Variants in THBS4 observed in about 807,000 individuals in gnomAD.
The protein encoded by THBS4 is thrombospondin 4, also known as thrombospondin-4.
In THBS4, 90 loss-of-function variants were observed where a neutral mutation model predicts 115.7. The observed-to-expected ratio is 0.78, with a 90% CI of 0.66 to 0.93. The LOEUF (loss-of-function observed/expected upper bound fraction) is 0.93. Ranked by LOEUF, THBS4 falls within the 40% of genes least tolerant of loss-of-function variation. THBS4 has a pLI of 0.00. For synonymous variants in THBS4, 460 were observed against 479.3 expected, an observed-to-expected ratio of 0.96 and a Z score of 0.53; for missense variants, 1,087 against 1,232.7, an observed-to-expected ratio of 0.88 and a Z score of 1.77.
chr5:80,050,147 T>C (rs952406003), intron 2 of THBS4, among the ~76,000 whole-genome samples: 2 of 152,238 alleles, frequency 1.3e-5, no homozygotes, highest in African/African-American at 4.8e-5. Flanking sequence ...AACAGAGTTG[T>C]ACCTGGAACC....
At chr5:80,072,500 C>T (rs1834104281) in intron 14 of THBS4, 104 bp downstream of exon 14, 2 of 1,010,278 alleles carry the variant, frequency 2.0e-6, no homozygotes, top group East Asian at 2.4e-5. Context: ...TTAGCTGTTG[C>T]CACTTACCTA....
chr5:80,073,663 C>A (rs906173819), intron 15 of THBS4, among the ~76,000 whole-genome samples: 4 of 151,824 alleles, frequency 2.6e-5, no homozygotes, highest in Non-Finnish European at 5.9e-5. Context: ...GGATTACAGG[C>A]GTGAGCCACT....
intron 2 of THBS4, among the ~76,000 whole-genome samples, chr5:80,049,315 G>T (rs1313156136): frequency 6.6e-6 from 1 of 152,150 alleles, no homozygotes; most frequent in East Asian, 1.9e-4. Flanking sequence ...CCTGTGTCCG[G>T]CTGGTCCCAA....
At chr5:80,013,046 C>T (rs1832159280) in intron 2 of THBS4, among the ~76,000 whole-genome samples, 1 of 152,220 alleles carries the variant, frequency 6.6e-6, no homozygotes, top group Admixed American at 6.5e-5. Context: ...TGCATATCGG[C>T]AAGGCCAAGG....
chr5:80,061,078 G>A (rs1334192421), intron 7 of THBS4, among the ~76,000 whole-genome samples: 1 of 152,112 alleles, frequency 6.6e-6, no homozygotes, highest in Non-Finnish European at 1.5e-5. Context: ...AACTGCATCT[G>A]GTTTTTATCT....
intron 2 of THBS4, among the ~76,000 whole-genome samples, chr5:80,054,502 C>T (rs1244061868): frequency 1.3e-5 from 2 of 151,584 alleles, no homozygotes; most frequent in Non-Finnish European, 2.9e-5. Flanking sequence ...TGTATTTTTA[C>T]TAGAGACGGG....
Position 80,079,900 on chromosome 5 carries a change from T to G in THBS4, c.2512-5T>G. 1 of 1,613,884 alleles carries G rather than the reference T, an allele frequency of 6.2e-7. No individual in the cohort carries two copies. Among genetic ancestry groups the G allele is most frequent in the Middle Eastern group, 1.7e-4 (1 of 6,060 alleles). Reference sequence around the variant, plus strand: ...TCCTAAAACCTTGCTTGTGTCATCATGCAGGCTGTGAAGTCTAAGACAGGT... The same window carrying G: ...TCCTAAAACCTTGCTTGTGTCATCAGGCAGGCTGTGAAGTCTAAGACAGGT... On this transcript the variant is annotated splice_region_variant and splice_polypyrimidine_tract_variant and intron_variant, in intron 19 of 21. Transcript: ENST00000350881.
chr5:80,021,259 T>A (rs1580917388), intron 2 of THBS4, among the ~76,000 whole-genome samples: 2 of 152,304 alleles, frequency 1.3e-5, no homozygotes, highest in South Asian at 4.1e-4. Flanking sequence ...TTTCTTCATA[T>A]ACTTTAACCA....
intron 10 of THBS4, among the ~76,000 whole-genome samples, chr5:80,069,262 A>G (rs1465853): frequency 0.027 from 4,073 of 152,348 alleles, 99 homozygotes; most frequent in East Asian, 0.11. Flanking sequence ...CTTTTCAAAT[A>G]GGAAAAATAA....
intron 1 of THBS4, among the ~76,000 whole-genome samples, chr5:80,037,037 G>A (rs532704209): frequency 3.9e-5 from 6 of 152,224 alleles, no homozygotes; most frequent in South Asian, 2.1e-4. Flanking sequence ...GCTGTAGTCC[G>A]TGCCCCATAC....
intron 2 of THBS4, among the ~76,000 whole-genome samples, chr5:80,009,270 ATG>A (rs1387435197): frequency 6.6e-6 from 1 of 152,230 alleles, no homozygotes; most frequent in African/African-American, 2.4e-5. Context: ...GAATAATTAT[ATG>A]TGTGTGTCCA....
At chr5:80,001,038 T>C (rs1831888238) in intron 2 of THBS4, among the ~76,000 whole-genome samples, 1 of 152,102 alleles carries the variant, frequency 6.6e-6, no homozygotes, top group South Asian at 2.1e-4. Context: ...CACCAACAGC[T>C]TACAAAAATT....
At chr5:80,010,216 A>G (rs1388669111) in intron 2 of THBS4, among the ~76,000 whole-genome samples, 1 of 152,238 alleles carries the variant, frequency 6.6e-6, no homozygotes, top group East Asian at 1.9e-4. Flanking sequence ...TCCTTACTGC[A>G]GTCTACAAGG....
rs549010019 is a variant in THBS4, at chr5:80,011,886, G to GA, written n.177+13467dup. Among the ~76,000 whole-genome samples the GA allele has an allele frequency of 1.6e-3, 236 of 148,602 alleles. 1 individual carries two copies. Among genetic ancestry groups the GA allele is most frequent in the African/African-American group, 5.5e-3 (221 of 40,190 alleles). ...AACGATTCTGTTTCTTAAAAAAAAA[G>GA]AAAAAAAAGAAAGAAAGAAACCCAA... On this transcript the variant is annotated intron_variant and non_coding_transcript_variant, in intron 2 of 3. Coordinates refer to the THBS4 transcript ENST00000510218.
At chr5:79,991,364 A>C in exon 1 of THBS4, 1 of 825,380 alleles carries the variant, frequency 1.2e-6, no homozygotes, top group Non-Finnish European at 1.8e-6. Flanking sequence ...GAGAGAAACA[A>C]CGACTGGAGG....
chr5:80,029,948 C>T (rs1398871313), intron 2 of THBS4, among the ~76,000 whole-genome samples: 3 of 151,926 alleles, frequency 2.0e-5, no homozygotes, highest in South Asian at 2.1e-4. Flanking sequence ...CCAGCCTGGG[C>T]GACAGCGAGA....
At chr5:80,067,808 C>A in intron 9 of THBS4, 165 bp from the exon 10 acceptor site, 1 of 713,376 alleles carries the variant, frequency 1.4e-6, no homozygotes, top group Non-Finnish European at 2.2e-6. Flanking sequence ...TTTTCATCAA[C>A]ATTCACATGA....
intron 20 of THBS4, among the ~76,000 whole-genome samples, chr5:80,081,419 C>G (rs1387273558): frequency 2.6e-5 from 4 of 152,072 alleles, no homozygotes; most frequent in Non-Finnish European, 5.9e-5. Context: ...TGAGCCCTAA[C>G]AATATCATAG....
At chr5:80,014,527 C>T (rs1832209716) in intron 2 of THBS4, among the ~76,000 whole-genome samples, 1 of 152,166 alleles carries the variant, frequency 6.6e-6, no homozygotes, top group Non-Finnish European at 1.5e-5. Flanking sequence ...CTCTTAGGCT[C>T]AGCAAAAGTG....
Sources: gnomAD v4.1 joint callset for allele counts (sites outside exome capture counted in the v4.1 genomes callset) on GRCh38, gnomAD v4.1.1 for gene constraint, MANE v1.5 for transcripts, NCBI Gene and HGNC (gene_info 2026-07-23, HGNC 2026-07-21) for gene names.